The following SNX7 variants were observed in gnomAD, a reference collection of about 807,000 sequenced individuals.
SNX7 encodes the protein sorting nexin-7.
Under a neutral mutation model 48.4 loss-of-function variants are expected in SNX7, and 35 were observed. That is an observed-to-expected ratio of 0.72 (90% CI 0.55 to 0.96). SNX7 has a LOEUF of 0.96. Ranked by LOEUF, SNX7 falls within the 40% of genes least tolerant of loss-of-function variation. The pLI, the probability that SNX7 is intolerant of heterozygous loss-of-function variation, is 0.00. For synonymous variants in SNX7, 190 were observed against 190.2 expected, an observed-to-expected ratio of 1.00 and a Z score of 0.01; for missense variants, 553 against 548.9, an observed-to-expected ratio of 1.01 and a Z score of -0.07.
At chr1:98,725,729 A>G (rs963644762) in intron 7 of SNX7, among the ~76,000 whole-genome samples, 3 of 152,110 alleles carry the variant, frequency 2.0e-5, no homozygotes, top group African/African-American at 7.2e-5. Context: ...TTTACATTCC[A>G]TAATTTGCAA....
At chr1:98,680,438 T>A (rs1423030775) in intron 1 of SNX7, among the ~76,000 whole-genome samples, 1 of 152,196 alleles carries the variant, frequency 6.6e-6, no homozygotes, top group African/African-American at 2.4e-5. Flanking sequence ...AACATTCAGT[T>A]CCTTGTTACT....
chr1:98,679,348 G>A (rs1419945951), intron 1 of SNX7, among the ~76,000 whole-genome samples: 2 of 152,050 alleles, frequency 1.3e-5, no homozygotes, highest in Non-Finnish European at 2.9e-5. Flanking sequence ...TGAGAATTGT[G>A]GGAGTTACAA....
rs1027156285 is a variant in SNX7, at chr1:98,720,321, C to T, written c.1126-17916C>T. On this transcript the variant is annotated intron_variant, in intron 7 of 8. Transcript: ENST00000306121. ...GTCTCCTTTCTTTAAAAAATAACTC[C>T]GTTAGTAGACTACTATGTATATCTA... is the stretch of plus-strand genomic sequence containing the variant. Among the ~76,000 whole-genome samples the T allele has an allele frequency of 2.0e-5, 3 of 151,884 alleles. No individual in the cohort carries two copies. The East Asian group carries it at 5.8e-4, about 29-fold the overall frequency.
At chr1:98,740,133 C>T (rs1407863324) in intron 8 of SNX7, among the ~76,000 whole-genome samples, 2 of 152,066 alleles carry the variant, frequency 1.3e-5, no homozygotes, top group African/African-American at 4.8e-5. Flanking sequence ...TTCTATCTCT[C>T]CATAATTTTT....
chr1:98,677,578 A>G (rs1650231596), intron 1 of SNX7, among the ~76,000 whole-genome samples: 1 of 152,164 alleles, frequency 6.6e-6, no homozygotes, highest in African/African-American at 2.4e-5. Flanking sequence ...GACATGTCAA[A>G]TTAGAAATAG....
At position 98,719,301 on chromosome 1, in the gene SNX7, A is replaced by G. The variant is rs545777608; in HGVS notation, c.1125+17398A>G. Among the ~76,000 whole-genome samples, 6 of 152,190 alleles carry G rather than the reference A, an allele frequency of 3.9e-5. No homozygotes were observed. In the South Asian group the frequency reaches 1.2e-3, roughly 32 times the overall value. On this transcript the variant is annotated intron_variant, in intron 7 of 8. Coordinates refer to ENST00000306121, the MANE Select transcript of SNX7 (RefSeq NM_015976.5). ...TCTTGTTACCACCCAGCTGCTGTCC[A>G]CAGAAAAGCTATTTACATTCTCACC...
chr1:98,711,527 A>G (rs1417163071), intron 7 of SNX7, among the ~76,000 whole-genome samples: 2 of 152,222 alleles, frequency 1.3e-5, no homozygotes, highest in Admixed American at 6.5e-5. Flanking sequence ...TTTGCACTAT[A>G]CTGTAGTCTA....
intron 7 of SNX7, among the ~76,000 whole-genome samples, chr1:98,737,572 A>G (rs1363658825): frequency 6.6e-6 from 1 of 152,244 alleles, no homozygotes; most frequent in African/African-American, 2.4e-5. Flanking sequence ...TGCCAAATAT[A>G]AAAGAATAAA....
chr1:98,695,464 G>A, intron 4 of SNX7, 54 bp from the exon 5 acceptor site: 1 of 1,527,944 alleles, frequency 6.5e-7, no homozygotes, highest in Non-Finnish European at 9.0e-7. Context: ...TTTGTATTGA[G>A]TCTCGGAATA....
chr1:98,754,045 G>A (rs530292403), intron 8 of SNX7, among the ~76,000 whole-genome samples: 66 of 151,776 alleles, frequency 4.3e-4, no homozygotes, highest in African/African-American at 1.3e-3. Context: ...GATGTTCCTC[G>A]GGTTGTGGAA....
chr1:98,710,161 G>T (rs1438033591), intron 7 of SNX7, among the ~76,000 whole-genome samples: 2 of 152,118 alleles, frequency 1.3e-5, no homozygotes, highest in Non-Finnish European at 2.9e-5. Context: ...CTTGTCAAGA[G>T]ATATTAGAGG....
At chr1:98,736,582 T>C (rs890159838) in intron 7 of SNX7, among the ~76,000 whole-genome samples, 2 of 152,182 alleles carry the variant, frequency 1.3e-5, no homozygotes, top group Non-Finnish European at 2.9e-5. Flanking sequence ...CTCGCTGATA[T>C]AGTTTGACCC....
chr1:98,675,187 C>A (rs1477672475), intron 1 of SNX7, among the ~76,000 whole-genome samples: 2 of 152,112 alleles, frequency 1.3e-5, no homozygotes, highest in African/African-American at 2.4e-5. Context: ...AAATGGAGTT[C>A]TTTTTGGTTA....
intron 7 of SNX7, among the ~76,000 whole-genome samples, chr1:98,736,178 G>A (rs1159012684): frequency 2.6e-5 from 4 of 152,190 alleles, no homozygotes; most frequent in Non-Finnish European, 4.4e-5. Flanking sequence ...CCTGAAAGCC[G>A]ATATCAGTAG....
intron 7 of SNX7, among the ~76,000 whole-genome samples, chr1:98,721,687 A>T (rs989635111): frequency 6.6e-6 from 1 of 152,086 alleles, no homozygotes; most frequent in African/African-American, 2.4e-5. Context: ...TAATAACAGA[A>T]AATTGGCCTG....
intron 7 of SNX7, 123 bp downstream of exon 7, chr1:98,702,026 G>A (rs1409562949): frequency 3.5e-5 from 22 of 624,396 alleles, no homozygotes; most frequent in Non-Finnish European, 4.8e-5. Context: ...TAAGCATTAA[G>A]CAAATTATAG....
chr1:98,723,357 T>C (rs1431902428), intron 7 of SNX7, among the ~76,000 whole-genome samples: 3 of 152,044 alleles, frequency 2.0e-5, no homozygotes, highest in African/African-American at 4.8e-5. Flanking sequence ...CGGTTTTTTT[T>C]CCCCAAAAAG....
intron 8 of SNX7, 68 bp downstream of exon 8, chr1:98,738,457 T>C (rs767936317): frequency 2.6e-5 from 38 of 1,474,356 alleles, no homozygotes; most frequent in Non-Finnish European, 3.3e-5. Flanking sequence ...GTCCGTCCAA[T>C]GTTGAAAGAG....
rs1294560639 is a variant in SNX7, at chr1:98,684,876, A to G, written c.181-9A>G. 6.8e-7 allele frequency: 1 copy of G among 1,470,700 alleles called. No homozygotes were observed. The allele number at this position is 1,470,700 out of a possible 1,614,324, so 91.1% of individuals were successfully genotyped here. On this transcript the variant is annotated splice_polypyrimidine_tract_variant and intron_variant, in intron 1 of 8. Coordinates refer to ENST00000306121, the MANE Select transcript of SNX7 (RefSeq NM_015976.5). ...ATTGATACTAATTTTTGAATGTTTT[A>G]TTTCTTAGGATGCCTCATTGATGGA... is the stretch of plus-strand genomic sequence containing the variant.
Sources: gnomAD v4.1 joint callset for allele counts (sites outside exome capture counted in the v4.1 genomes callset) on GRCh38, gnomAD v4.1.1 for gene constraint, MANE v1.5 for transcripts, NCBI Gene and HGNC (gene_info 2026-07-23, HGNC 2026-07-21) for gene names.